The following SHANK2 variants were observed in gnomAD, a reference collection of about 807,000 sequenced individuals.
SHANK2 encodes SH3 and multiple ankyrin repeat domains protein 2.
SHANK2 carries 43 observed loss-of-function variants against 133.7 expected under a neutral mutation model. The ratio of observed to expected loss-of-function variants is 0.32; its 90% CI spans 0.25 to 0.41. The LOEUF is 0.41. Ranked by LOEUF, SHANK2 falls within the 10% of genes least tolerant of loss-of-function variation. SHANK2 has a pLI of 1.00. For missense variants in SHANK2, 1,994 were observed against 2,235.8 expected (o/e 0.89, Z 2.18); for synonymous variants, 1,017 against 952.8 (o/e 1.07, Z -1.24).
At chr11:71,100,866 C>CAA (rs781807117) in intron 6 of SHANK2, among the ~76,000 whole-genome samples, 1,162 of 99,876 alleles carry the variant, frequency 0.012, 14 homozygotes, top group Middle Eastern at 0.029. Flanking sequence ...GACTCCGTCT[C>CAA]AAAAAAAAAA....
intron 17 of SHANK2, among the ~76,000 whole-genome samples, chr11:70,505,170 C>T (rs886189584): frequency 3.9e-5 from 6 of 152,144 alleles, no homozygotes; most frequent in South Asian, 4.2e-4. Context: ...GCAGTGTGGG[C>T]GGAGTCATGG....
In SHANK2 at chr11:70,540,690, AT is replaced by A. The variant is rs1324687703; in HGVS notation, c.2062-37760del. 2.6e-5 allele frequency among the ~76,000 whole-genome samples: 4 copies of A among 152,118 alleles called. No homozygotes were observed. The East Asian group carries it at 7.8e-4, about 29-fold the overall frequency. Reference sequence around the variant, plus strand: ...ACATAAAACTTCCAACCTGCCCAACATGGTGAAGCCCCATCTCTACTAAAAA... The same window carrying A: ...ACATAAAACTTCCAACCTGCCCAACAGGTGAAGCCCCATCTCTACTAAAAA... On this transcript the variant is annotated intron_variant, in intron 17 of 25. Transcript: ENST00000601538.
chr11:70,585,595 C>A (rs2060238360), intron 17 of SHANK2, among the ~76,000 whole-genome samples: 1 of 151,944 alleles, frequency 6.6e-6, no homozygotes, highest in Non-Finnish European at 1.5e-5. Flanking sequence ...ATTCATTCAT[C>A]CATGTATTCA....
At chr11:70,630,173 C>G (rs182232216) in intron 17 of SHANK2, among the ~76,000 whole-genome samples, 1 of 152,210 alleles carries the variant, frequency 6.6e-6, no homozygotes, top group South Asian at 2.1e-4. Context: ...GCAGAGCCCA[C>G]GCTTAGAGCA....
chr11:70,664,825 C>T (rs545322740), intron 15 of SHANK2, among the ~76,000 whole-genome samples: 17 of 152,324 alleles, frequency 1.1e-4, no homozygotes, highest in East Asian at 1.9e-4. Flanking sequence ...TGGCATCACA[C>T]GGAGCGTGGT....
rs968984556 is a variant in SHANK2, at chr11:70,747,195, C to A, written c.1778-48432G>T. On this transcript the variant is annotated intron_variant, in intron 14 of 25. Transcript: ENST00000601538. ...AGACTGAAGGGCTGGGTGGGGTACACCACCCTGAAGTGGAAACCGGTGGCA... is the reference window on the plus strand; with the variant it reads ...AGACTGAAGGGCTGGGTGGGGTACAACACCCTGAAGTGGAAACCGGTGGCA... Among the ~76,000 whole-genome samples, 16 of 151,852 alleles carry A rather than the reference C, an allele frequency of 1.1e-4. No individual in the cohort carries two copies. The South Asian group carries it at 1.5e-3, about 14-fold the overall frequency.
chr11:70,819,415 C>G (rs1397144248), intron 12 of SHANK2, among the ~76,000 whole-genome samples: 4 of 152,250 alleles, frequency 2.6e-5, no homozygotes, highest in Non-Finnish European at 5.9e-5. Context: ...TGGCTGGAAC[C>G]GACACCAACC....
At chr11:70,782,727 T>C (rs1353671445) in intron 14 of SHANK2, among the ~76,000 whole-genome samples, 1 of 152,166 alleles carries the variant, frequency 6.6e-6, no homozygotes, top group Non-Finnish European at 1.5e-5. Context: ...AACTGGCGCA[T>C]GGCCAAAGAC....
intron 13 of SHANK2, among the ~76,000 whole-genome samples, chr11:70,803,822 A>G (rs1948104888): frequency 6.6e-6 from 1 of 152,064 alleles, no homozygotes; most frequent in Admixed American, 6.5e-5. Flanking sequence ...AAAAAAAAAA[A>G]AAAAGGAGCG....
chr11:70,645,277 C>G (rs782379860), intron 17 of SHANK2, among the ~76,000 whole-genome samples: 1 of 152,112 alleles, frequency 6.6e-6, no homozygotes, highest in Non-Finnish European at 1.5e-5. Context: ...AAGGTACACA[C>G]AAGCTTCATC....
chr11:71,250,470 C>T lies in SHANK2; in HGVS notation c.-113+1955G>A, dbSNP rs78897742. Among the ~76,000 whole-genome samples the T allele has an allele frequency of 1.1e-3, 161 of 152,340 alleles. 1 individual carries two copies. The highest frequency in any genetic ancestry group is 3.6e-3 in the African/African-American group (151 of 41,572). On this transcript the variant is annotated intron_variant, in intron 1 of 25. Transcript: ENST00000601538. Reference sequence around the variant, plus strand: ...CAGTGACATCCGGCATAGAAACCCACAGCTCCCACCTACCAATCCCCCTCT... The same window carrying T: ...CAGTGACATCCGGCATAGAAACCCATAGCTCCCACCTACCAATCCCCCTCT...
At chr11:70,931,461 A>G (rs12287441) in intron 10 of SHANK2, among the ~76,000 whole-genome samples, 55,114 of 152,188 alleles carry the variant, frequency 0.36, 14,361 homozygotes, top group African/African-American at 0.74. Flanking sequence ...AGCCCTCAGA[A>G]GGTGGCAGCG....
intron 14 of SHANK2, among the ~76,000 whole-genome samples, chr11:70,712,644 G>A (rs1406797389): frequency 3.3e-5 from 5 of 152,244 alleles, no homozygotes; most frequent in Non-Finnish European, 5.9e-5. Flanking sequence ...GCCCTAGGGC[G>A]GGGCCCAGTT....
chr11:70,802,299 G>A (rs1347907051), intron 13 of SHANK2, among the ~76,000 whole-genome samples: 1 of 152,212 alleles, frequency 6.6e-6, no homozygotes, highest in Non-Finnish European at 1.5e-5. Context: ...AGAAGGGCCA[G>A]CTCTGCTGTC....
At chr11:70,622,663 T>G (rs2060846278) in intron 17 of SHANK2, among the ~76,000 whole-genome samples, 1 of 152,206 alleles carries the variant, frequency 6.6e-6, no homozygotes. Flanking sequence ...TCTCAAGATC[T>G]CATCTCAAGA....
At chr11:70,865,409 C>T (rs1949337345) in intron 11 of SHANK2, among the ~76,000 whole-genome samples, 1 of 152,212 alleles carries the variant, frequency 6.6e-6, no homozygotes, top group Non-Finnish European at 1.5e-5. Context: ...AAATACTATT[C>T]TGAAGGGACA....
intron 10 of SHANK2, among the ~76,000 whole-genome samples, chr11:70,929,605 G>A (rs781957537): frequency 2.0e-5 from 3 of 152,080 alleles, no homozygotes; most frequent in South Asian, 2.1e-4. Context: ...TCCGACCTCC[G>A]TGCCTGTTGT....
chr11:71,190,325 C>T (rs1260087833), intron 2 of SHANK2, among the ~76,000 whole-genome samples: 2 of 152,242 alleles, frequency 1.3e-5, no homozygotes, highest in Non-Finnish European at 2.9e-5. Flanking sequence ...TTCTTGTGTT[C>T]TCCTTCCAAG....
At chr11:70,823,495 G>C (rs1187773247) in intron 11 of SHANK2, among the ~76,000 whole-genome samples, 4 of 146,906 alleles carry the variant, frequency 2.7e-5, no homozygotes, top group Admixed American at 6.8e-5. Flanking sequence ...GGACAGAGGT[G>C]GCATTGGCAG....
Sources: allele counts gnomAD v4.1 joint callset (sites outside exome capture counted in the v4.1 genomes callset), GRCh38; gene constraint gnomAD v4.1.1; transcripts MANE v1.5; gene names NCBI Gene and HGNC (gene_info 2026-07-23, HGNC 2026-07-21).